CDH13: variants seen among roughly 807,000 people sequenced by gnomAD.
CDH13 encodes the protein cadherin 13, also known as cadherin-13.
Under a neutral mutation model 63.8 loss-of-function variants are expected in CDH13, and 24 were observed. The observed-to-expected ratio is 0.38, with a 90% confidence interval of 0.27 to 0.53. CDH13 has a LOEUF of 0.53. Ranked by LOEUF, CDH13 falls within the 20% of genes least tolerant of loss-of-function variation. The pLI is 0.85. For synonymous variants in CDH13, 503 were observed against 355.3 expected (o/e 1.42, Z -4.67); for missense variants, 1,049 against 903.1 (o/e 1.16, Z -2.07).
chr16:83,791,560 C>T (rs925637059), intron 13 of CDH13, among the ~76,000 whole-genome samples: 9 of 152,016 alleles, frequency 5.9e-5, no homozygotes, highest in African/African-American at 2.2e-4. Context: ...TACCTGTAAT[C>T]CCAGCACTTT....
At chr16:83,576,070 G>A (rs775951438) in intron 7 of CDH13, among the ~76,000 whole-genome samples, 8 of 152,180 alleles carry the variant, frequency 5.3e-5, no homozygotes, top group South Asian at 2.1e-4. Flanking sequence ...GTACTTTCAC[G>A]ATGTTGTGCA....
At chr16:83,045,153 C>G (rs79643190) in intron 3 of CDH13, among the ~76,000 whole-genome samples, 1,915 of 152,218 alleles carry the variant, frequency 0.013, 43 homozygotes, top group African/African-American at 0.044. Context: ...ATAGAGTAAT[C>G]TCAAAGTAGT....
chr16:82,841,138 C>G (rs747631123), intron 1 of CDH13, among the ~76,000 whole-genome samples: 1 of 152,206 alleles, frequency 6.6e-6, no homozygotes, highest in South Asian at 2.1e-4. Flanking sequence ...TTACCATCCA[C>G]GGAGTGTTGC....
chr16:83,478,108 C>A (rs138910262), intron 6 of CDH13, among the ~76,000 whole-genome samples: 2 of 150,020 alleles, frequency 1.3e-5, no homozygotes, highest in African/African-American at 4.9e-5. Flanking sequence ...TGCAGTGAGC[C>A]GAGATCACGC....
intron 1 of CDH13, among the ~76,000 whole-genome samples, chr16:82,671,264 G>GT (rs1303316286): frequency 6.6e-6 from 1 of 152,178 alleles, no homozygotes; most frequent in African/African-American, 2.4e-5. Flanking sequence ...ACCCAGAAGG[G>GT]TTTTTTATTT....
chr16:82,987,376 T>C (rs1225148228), intron 2 of CDH13, among the ~76,000 whole-genome samples: 1 of 152,108 alleles, frequency 6.6e-6, no homozygotes, highest in East Asian at 1.9e-4. Context: ...TTTGTTTGTT[T>C]GTTTGTTTTT....
intron 2 of CDH13, among the ~76,000 whole-genome samples, chr16:82,985,226 G>A (rs973370504): frequency 2.6e-5 from 4 of 152,160 alleles, no homozygotes; most frequent in African/African-American, 9.7e-5. Flanking sequence ...TGTAGTGTCA[G>A]TATCTCTGAG....
intron 3 of CDH13, among the ~76,000 whole-genome samples, chr16:83,089,104 A>G (rs1319827538): frequency 1.3e-5 from 2 of 152,164 alleles, no homozygotes; most frequent in Non-Finnish European, 2.9e-5. Context: ...TTCCATGTCT[A>G]TGGATTTAGA....
intron 6 of CDH13, among the ~76,000 whole-genome samples, chr16:83,370,830 C>T (rs1321420663): frequency 6.6e-6 from 1 of 152,154 alleles, no homozygotes; most frequent in Admixed American, 6.5e-5. Flanking sequence ...GTGTAGTATT[C>T]CACATTATAT....
At chr16:82,893,915 A>G (rs149639543) in intron 2 of CDH13, among the ~76,000 whole-genome samples, 1 of 152,168 alleles carries the variant, frequency 6.6e-6, no homozygotes, top group Non-Finnish European at 1.5e-5. Context: ...CTCACTCCCA[A>G]TACCACCACT....
intron 6 of CDH13, among the ~76,000 whole-genome samples, chr16:83,443,705 G>GAAAAA (rs1167862979): frequency 3.7e-5 from 4 of 107,116 alleles, no homozygotes; most frequent in African/African-American, 1.7e-4. Context: ...AAGTCCCTAC[G>GAAAAA]AAAAAAAAAA....
Position 82,689,971 on chromosome 16 carries a change from G to A in CDH13, c.45+62834G>A, listed in dbSNP as rs71398879. 4.9e-5 allele frequency among the ~76,000 whole-genome samples: 4 copies of A among 82,412 alleles called. No individual in the cohort carries two copies. The East Asian group carries it at 1.5e-3, about 31-fold the overall frequency. 54.1% of individuals were successfully genotyped at this position (82,412 alleles called of 152,430 possible). A position where few individuals can be genotyped will look rare whatever the true frequency, so the allele number is the denominator to read the frequency against. On this transcript the variant is annotated intron_variant, in intron 1 of 13. Coordinates refer to ENST00000567109, the MANE Select transcript of CDH13 (RefSeq NM_001257.5). ...ACCAGCCTGACCAACATGGTGAAAC[G>A]CCATCTCTACTAAAAAAAAAAAAAA...
At chr16:83,076,168 A>G (rs1042898320) in intron 3 of CDH13, among the ~76,000 whole-genome samples, 2 of 152,264 alleles carry the variant, frequency 1.3e-5, no homozygotes, top group Non-Finnish European at 2.9e-5. Flanking sequence ...CAAACTCAAC[A>G]GGATGGCATG....
At chr16:83,260,980 CT>C (rs1420531713) in intron 5 of CDH13, among the ~76,000 whole-genome samples, 1 of 151,952 alleles carries the variant, frequency 6.6e-6, no homozygotes, top group Non-Finnish European at 1.5e-5. Context: ...TGGTGGAGAT[CT>C]TTTTATGTGA....
intron 1 of CDH13, among the ~76,000 whole-genome samples, chr16:82,829,028 AG>A (rs2038397817): frequency 6.6e-6 from 1 of 152,242 alleles, no homozygotes; most frequent in Admixed American, 6.5e-5. Context: ...TTTAGAAAAA[AG>A]GTGGACACAT....
At chr16:83,310,765 T>G (rs1418019433) in intron 5 of CDH13, among the ~76,000 whole-genome samples, 1 of 152,150 alleles carries the variant, frequency 6.6e-6, no homozygotes, top group Non-Finnish European at 1.5e-5. Context: ...TAAAATTCCC[T>G]CCAGGAGAGA....
chr16:83,163,692 C>T (rs2037544257), intron 4 of CDH13, among the ~76,000 whole-genome samples: 1 of 152,042 alleles, frequency 6.6e-6, no homozygotes, highest in Non-Finnish European at 1.5e-5. Flanking sequence ...TGATATGGTG[C>T]CAGCTGCAAA....
chr16:83,553,320 A>G (rs2075543443), intron 7 of CDH13, among the ~76,000 whole-genome samples: 1 of 152,228 alleles, frequency 6.6e-6, no homozygotes, highest in Admixed American at 6.5e-5. Flanking sequence ...ATCTAGTTTC[A>G]TTGTAGGCAA....
chr16:83,530,129 G>A (rs151214823), intron 7 of CDH13, among the ~76,000 whole-genome samples: 1 of 152,170 alleles, frequency 6.6e-6, no homozygotes, highest in Non-Finnish European at 1.5e-5. Context: ...GGCCCTTGAA[G>A]AGGTTCATAT....
Sources: gnomAD v4.1 joint callset for allele counts (sites outside exome capture counted in the v4.1 genomes callset) on GRCh38, gnomAD v4.1.1 for gene constraint, MANE v1.5 for transcripts, NCBI Gene and HGNC (gene_info 2026-07-23, HGNC 2026-07-21) for gene names.